LDB2: variants seen among roughly 807,000 people sequenced by gnomAD.
LDB2 encodes the protein LIM domain binding 2.
Under a neutral mutation model 44.3 loss-of-function variants are expected in LDB2, and 12 were observed. The observed-to-expected ratio is 0.27, with a 90% CI of 0.17 to 0.44. The LOEUF is 0.44. Among genes scored for constraint, LDB2 ranks in the 20% least tolerant of loss-of-function variants. LDB2 has a pLI of 1.00. For synonymous variants in LDB2, 164 were observed against 174.8 expected, an observed-to-expected ratio of 0.94 and a Z score of 0.49; for missense variants, 344 against 473.5, an observed-to-expected ratio of 0.73 and a Z score of 2.54.
At chr4:16,846,062 T>C (rs1786912047) in intron 1 of LDB2, among the ~76,000 whole-genome samples, 2 of 146,164 alleles carry the variant, frequency 1.4e-5, no homozygotes, top group East Asian at 4.1e-4. Context: ...TGCAGTGAGC[T>C]GAGATCACGC....
intron 5 of LDB2, among the ~76,000 whole-genome samples, chr4:16,579,453 A>G (rs945329329): frequency 1.3e-5 from 2 of 152,254 alleles, no homozygotes; most frequent in Admixed American, 6.5e-5. Flanking sequence ...ACGCATTTCC[A>G]GTATAATGAA....
chr4:16,789,202 C>T (rs1176445610), intron 1 of LDB2, among the ~76,000 whole-genome samples: 4 of 152,122 alleles, frequency 2.6e-5, no homozygotes, highest in African/African-American at 9.7e-5. Context: ...CAGGCAGATG[C>T]TGGAGAGCTA....
Position 16,898,389 on chromosome 4 carries a change from A to G in LDB2, c.97T>C (p.Tyr33His). The change falls in exon 1 of 8, where the codon TAT becomes CAT. Residue 33 changes from tyrosine (Y) to histidine (H), a missense_variant. This residue lies in a region of LDB2 where 226 missense variants were observed against 270.1 expected (regional missense o/e 0.84). Transcript: ENST00000304523. ...PYMVQPEYRI[Y>H]EMNKRLQSRT... ...GACTGCAGTCTCTTGTTCATCTCATAGATTCGGTACTCTGGCTGTACCATG... is the reference window on the plus strand; with the variant it reads ...GACTGCAGTCTCTTGTTCATCTCATGGATTCGGTACTCTGGCTGTACCATG... 1 of 1,613,832 alleles carries G rather than the reference A, an allele frequency of 6.2e-7. No homozygotes were observed. The highest frequency in any genetic ancestry group is 8.5e-7 in the Non-Finnish European group (1 of 1,179,870).
chr4:16,528,225 G>A (rs1337459493), intron 5 of LDB2, among the ~76,000 whole-genome samples: 1 of 152,056 alleles, frequency 6.6e-6, no homozygotes, highest in Admixed American at 6.6e-5. Flanking sequence ...GAGGGAAGCG[G>A]GTGAGAGGTT....
At chr4:16,528,244 C>G (rs764479918) in intron 5 of LDB2, among the ~76,000 whole-genome samples, 1 of 152,120 alleles carries the variant, frequency 6.6e-6, no homozygotes, top group Non-Finnish European at 1.5e-5. Flanking sequence ...TTAAAGACTA[C>G]AAACTGGGTT....
chr4:16,893,449 C>T (rs557822008), intron 1 of LDB2, among the ~76,000 whole-genome samples: 4 of 152,106 alleles, frequency 2.6e-5, no homozygotes, highest in East Asian at 1.9e-4. Context: ...GATGTTACAA[C>T]GTGAAACCCT....
At chr4:16,549,545 C>T (rs548840155) in intron 5 of LDB2, among the ~76,000 whole-genome samples, 54 of 152,324 alleles carry the variant, frequency 3.5e-4, no homozygotes, top group African/African-American at 1.3e-3. Flanking sequence ...TTGCAATAGT[C>T]TCCTGACTGG....
chr4:16,609,112 C>T (rs118077558), intron 2 of LDB2, among the ~76,000 whole-genome samples: 1 of 152,114 alleles, frequency 6.6e-6, no homozygotes, highest in African/African-American at 2.4e-5. Context: ...GGAAGAACAG[C>T]GCGGGGCAGT....
chr4:16,544,774 C>A (rs1292615480), intron 5 of LDB2, among the ~76,000 whole-genome samples: 2 of 152,170 alleles, frequency 1.3e-5, no homozygotes, highest in Non-Finnish European at 1.5e-5. Context: ...GTCTGTTAGA[C>A]TTCCAAGTGA....
chr4:16,603,601 G>T (rs1322404828), intron 2 of LDB2, among the ~76,000 whole-genome samples: 3 of 152,050 alleles, frequency 2.0e-5, no homozygotes, highest in African/African-American at 7.2e-5. Context: ...TGTAGTTTAC[G>T]TCTGACAGAT....
chr4:16,700,759 C>T (rs1176449252), intron 2 of LDB2, among the ~76,000 whole-genome samples: 5 of 152,032 alleles, frequency 3.3e-5, no homozygotes, highest in South Asian at 4.2e-4. Context: ...AAGTGATCAC[C>T]GCTGACACCT....
intron 2 of LDB2, among the ~76,000 whole-genome samples, chr4:16,625,126 T>C (rs1038384946): frequency 1.5e-4 from 23 of 152,122 alleles, no homozygotes; most frequent in Admixed American, 1.1e-3. Context: ...TGCATCCTCA[T>C]GCTATTTTCT....
intron 1 of LDB2, among the ~76,000 whole-genome samples, chr4:16,778,174 A>C (rs1229516202): frequency 6.6e-6 from 1 of 152,170 alleles, no homozygotes; most frequent in African/African-American, 2.4e-5. Flanking sequence ...TGAATGCTTT[A>C]AGGTCTGACA....
At chr4:16,546,702 G>C (rs1306265558) in intron 5 of LDB2, among the ~76,000 whole-genome samples, 1 of 152,068 alleles carries the variant, frequency 6.6e-6, no homozygotes, top group African/African-American at 2.4e-5. Context: ...CCCTCTCTTT[G>C]CCCACCACTG....
intron 1 of LDB2, among the ~76,000 whole-genome samples, chr4:16,888,199 T>A (rs1160899725): frequency 6.6e-6 from 1 of 152,202 alleles, no homozygotes; most frequent in Admixed American, 6.5e-5. Context: ...TCAAGGCCAG[T>A]GGGTGTGTGC....
intron 3 of LDB2, among the ~76,000 whole-genome samples, chr4:16,589,425 A>G (rs1019861397): frequency 1.3e-5 from 2 of 152,216 alleles, no homozygotes; most frequent in Admixed American, 6.5e-5. Flanking sequence ...CACATCAGCA[A>G]TGATAAATTC....
At chr4:16,833,362 G>A (rs1372924128) in intron 1 of LDB2, among the ~76,000 whole-genome samples, 1 of 152,144 alleles carries the variant, frequency 6.6e-6, no homozygotes, top group African/African-American at 2.4e-5. Context: ...GTGTCCTTGA[G>A]AAGTATGTAC....
chr4:16,521,850 C>G (rs1726219805), intron 5 of LDB2, among the ~76,000 whole-genome samples: 1 of 152,032 alleles, frequency 6.6e-6, no homozygotes, highest in Non-Finnish European at 1.5e-5. Context: ...TTTTGTTTTC[C>G]TGGGTGGACT....
intron 1 of LDB2, among the ~76,000 whole-genome samples, chr4:16,860,540 A>G (rs1561465845): frequency 6.6e-6 from 1 of 152,218 alleles, no homozygotes; most frequent in Non-Finnish European, 1.5e-5. Context: ...ACCTAAGGCT[A>G]CCACCCATCA....
Sources: allele counts gnomAD v4.1 joint callset (sites outside exome capture counted in the v4.1 genomes callset), GRCh38; gene constraint gnomAD v4.1.1; regional missense constraint gnomAD v4.1.1; transcripts MANE v1.5; gene names NCBI Gene and HGNC (gene_info 2026-07-23, HGNC 2026-07-21).